The following MYO5B variants were observed in gnomAD, a reference collection of about 807,000 sequenced individuals.
MYO5B encodes the protein myosin VB.
Under a neutral mutation model 229.3 loss-of-function variants are expected in MYO5B, and 143 were observed. The ratio of observed to expected loss-of-function variants is 0.62; its 90% CI spans 0.54 to 0.72. The LOEUF is 0.72. Ranked by LOEUF, MYO5B falls within the 30% of genes least tolerant of loss-of-function variation. The probability of loss-of-function intolerance (pLI) is 0.00; values close to 1 mark genes in which losing one functional copy is unlikely to be tolerated. For missense variants in MYO5B, 2,321 were observed against 2,331.0 expected (o/e 1.00, Z 0.09); for synonymous variants, 918 against 885.2 (o/e 1.04, Z -0.66).
At chr18:49,925,675 AGCAGGAGTGCAGCCAGGAGCAGGAGT>A (rs1255989341) in intron 17 of MYO5B, among the ~76,000 whole-genome samples, 3 of 152,198 alleles carry the variant, frequency 2.0e-5, no homozygotes, top group Non-Finnish European at 4.4e-5. Flanking sequence ...AAGAGCCAGA[AGCAGGAGTGCAGCCAGGAGCAGGAGT>A]GCAGCCAGCT....
At chr18:50,133,487 G>T (rs915671084) in intron 1 of MYO5B, among the ~76,000 whole-genome samples, 1 of 152,118 alleles carries the variant, frequency 6.6e-6, no homozygotes, top group African/African-American at 2.4e-5. Context: ...GAAGGAAAAG[G>T]TAGGTGCAGA....
At chr18:49,863,549 G>A (rs984214441) in intron 28 of MYO5B, among the ~76,000 whole-genome samples, 6 of 152,262 alleles carry the variant, frequency 3.9e-5, no homozygotes, top group African/African-American at 7.2e-5. Flanking sequence ...CATGTGGGGC[G>A]GTGGGGGAAG....
intron 18 of MYO5B, among the ~76,000 whole-genome samples, chr18:49,910,955 T>C (rs769287193): frequency 2.8e-4 from 43 of 152,234 alleles, no homozygotes; most frequent in Admixed American, 5.2e-4. Context: ...GTTTAAGGAT[T>C]TGCCCCTCAC....
chr18:50,105,398 T>C (rs2031739270), intron 1 of MYO5B, among the ~76,000 whole-genome samples: 2 of 152,122 alleles, frequency 1.3e-5, no homozygotes, highest in South Asian at 2.1e-4. Flanking sequence ...AATTACTTTC[T>C]ACCAAACAAA....
chr18:49,831,562 C>G (rs1160280553), intron 39 of MYO5B, among the ~76,000 whole-genome samples: 2 of 152,152 alleles, frequency 1.3e-5, no homozygotes, highest in East Asian at 1.9e-4. Flanking sequence ...TGAGATGCCA[C>G]TTCACACCCA....
intron 22 of MYO5B, among the ~76,000 whole-genome samples, chr18:49,893,089 C>T (rs192297381): frequency 6.6e-6 from 1 of 152,226 alleles, no homozygotes; most frequent in African/African-American, 2.4e-5. Context: ...TTATGCACTC[C>T]CTTTGATGGA....
intron 9 of MYO5B, among the ~76,000 whole-genome samples, chr18:49,974,881 T>TGTCTGCTAATGA (rs2025733274): frequency 1.3e-5 from 2 of 149,696 alleles, no homozygotes; most frequent in South Asian, 4.2e-4. Flanking sequence ...GACTGGTCAT[T>TGTCTGCTAATGA]CCACCTGCTA....
chr18:50,116,880 C>A (rs1273980608), intron 1 of MYO5B, among the ~76,000 whole-genome samples: 2 of 151,242 alleles, frequency 1.3e-5, no homozygotes, highest in African/African-American at 4.9e-5. Context: ...AAACCACACA[C>A]AACATCAACA....
chr18:50,064,034 G>C lies in MYO5B; in HGVS notation c.28-8656C>G, dbSNP rs879438816. ...ACCAGTAGTATACTTGTTGGTGAGG[G>C]AAGCAGTGATAGCAGAGGCTTAGAA... is the stretch of plus-strand genomic sequence containing the variant. On this transcript the variant is annotated intron_variant, in intron 1 of 39. Transcript: ENST00000285039. 7.2e-5 allele frequency: 11 copies of C among 152,334 alleles called. No individual in the cohort carries two copies. In the East Asian group the frequency reaches 1.5e-3, roughly 21 times the overall value. 9.4% of individuals were successfully genotyped at this position (152,334 alleles called of 1,614,324 possible).
chr18:49,948,586 T>C (rs1326075452), intron 14 of MYO5B, among the ~76,000 whole-genome samples: 3 of 152,232 alleles, frequency 2.0e-5, no homozygotes, highest in Non-Finnish European at 2.9e-5. Flanking sequence ...AGTATGTTTA[T>C]TATCTCAAGC....
intron 22 of MYO5B, among the ~76,000 whole-genome samples, chr18:49,886,527 C>A (rs533820102): frequency 6.6e-6 from 1 of 152,146 alleles, no homozygotes; most frequent in African/African-American, 2.4e-5. Context: ...GAGAGTCAGG[C>A]AAAGGGGTTG....
At chr18:49,881,995 C>T (rs2024591681) in intron 22 of MYO5B, among the ~76,000 whole-genome samples, 1 of 152,166 alleles carries the variant, frequency 6.6e-6, no homozygotes, top group African/African-American at 2.4e-5. Context: ...GCAATTGATT[C>T]ACCTTTGCGC....
chr18:49,907,457 G>A (rs1187896805), intron 18 of MYO5B, among the ~76,000 whole-genome samples: 1 of 152,168 alleles, frequency 6.6e-6, no homozygotes, highest in Non-Finnish European at 1.5e-5. Context: ...GATGAGGAAA[G>A]ACAACCCAGC....
chr18:49,914,599 G>C (rs532550073), intron 17 of MYO5B, among the ~76,000 whole-genome samples: 20 of 152,060 alleles, frequency 1.3e-4, no homozygotes, highest in Non-Finnish European at 2.2e-4. Flanking sequence ...GGCCAACATA[G>C]TGAAACCCTG....
intron 1 of MYO5B, among the ~76,000 whole-genome samples, chr18:50,183,191 A>G (rs1568136271): frequency 6.6e-6 from 1 of 151,536 alleles, no homozygotes; most frequent in Non-Finnish European, 1.5e-5. Flanking sequence ...TCACTACCCA[A>G]ATTAGACTGT....
chr18:49,863,380 G>T (rs1416508542), intron 28 of MYO5B, 53 bp from the exon 29 acceptor site: 7 of 1,481,936 alleles, frequency 4.7e-6, no homozygotes, highest in Non-Finnish European at 5.7e-6. Flanking sequence ...GCCACAAAAT[G>T]GCTTTATATA....
At chr18:50,070,878 T>C (rs1345601162) in intron 1 of MYO5B, among the ~76,000 whole-genome samples, 2 of 151,350 alleles carry the variant, frequency 1.3e-5, no homozygotes, top group Non-Finnish European at 2.9e-5. Context: ...GATCTCATTC[T>C]GTCACCCAGG....
At chr18:49,921,260 T>G (rs922577192) in intron 17 of MYO5B, among the ~76,000 whole-genome samples, 4 of 147,958 alleles carry the variant, frequency 2.7e-5, no homozygotes, top group African/African-American at 1.0e-4. Flanking sequence ...AGCAGAGTTT[T>G]TTTTTTTTTT....
At chr18:49,857,263 G>A (rs1723775348) in intron 29 of MYO5B, among the ~76,000 whole-genome samples, 1 of 152,220 alleles carries the variant, frequency 6.6e-6, no homozygotes, top group Non-Finnish European at 1.5e-5. Flanking sequence ...CACACATGGT[G>A]CTTCCCTCAA....
Sources: allele counts gnomAD v4.1 joint callset (sites outside exome capture counted in the v4.1 genomes callset), GRCh38; gene constraint gnomAD v4.1.1; transcripts MANE v1.5; gene names NCBI Gene and HGNC (gene_info 2026-07-23, HGNC 2026-07-21).